Variants in AFDN observed in about 807,000 individuals in gnomAD.
AFDN encodes afadin, adherens junction formation factor.
Under a neutral mutation model 216.6 loss-of-function variants are expected in AFDN, and 68 were observed. The observed-to-expected ratio is 0.31, with a 90% CI of 0.26 to 0.38. AFDN has a LOEUF of 0.38. Among genes scored for constraint, AFDN ranks in the 10% least tolerant of loss-of-function variants. The pLI, the probability that AFDN is intolerant of heterozygous loss-of-function variation, is 1.00. For missense variants in AFDN, 2,136 were observed against 2,342.0 expected (o/e 0.91, Z 1.82); for synonymous variants, 868 against 853.7 (o/e 1.02, Z -0.29).
intron 1 of AFDN, 120 bp from the exon 2 acceptor site, chr6:167,864,431 A>C (rs758606268): frequency 1.1e-6 from 1 of 943,542 alleles, no homozygotes; most frequent in Non-Finnish European, 1.7e-6. Context: ...CATTAGTCTC[A>C]GATGTTTATG....
intron 1 of AFDN, among the ~76,000 whole-genome samples, chr6:167,838,666 C>T (rs936970586): frequency 1.3e-5 from 2 of 152,210 alleles, no homozygotes; most frequent in African/African-American, 2.4e-5. Context: ...GAATCTCAGA[C>T]ACAGTGGCCT....
chr6:167,953,174 C>T (rs1796177824), intron 30 of AFDN, among the ~76,000 whole-genome samples: 1 of 151,906 alleles, frequency 6.6e-6, no homozygotes, highest in South Asian at 2.1e-4. Flanking sequence ...ATGGCCAGAG[C>T]CATGTTCTTT....
intron 27 of AFDN, among the ~76,000 whole-genome samples, chr6:167,947,457 G>A (rs1417982526): frequency 3.3e-5 from 5 of 152,188 alleles, no homozygotes; most frequent in Non-Finnish European, 7.3e-5. Flanking sequence ...GGGATTACAG[G>A]CTTGAGCCAC....
intron 1 of AFDN, chr6:167,863,646 C>A: frequency 2.7e-6 from 1 of 376,796 alleles, no homozygotes; most frequent in South Asian, 2.2e-5. Flanking sequence ...TAGAAATATT[C>A]TCTGGAATTT....
At chr6:167,832,876 A>G (rs533502448) in intron 1 of AFDN, among the ~76,000 whole-genome samples, 1 of 152,352 alleles carries the variant, frequency 6.6e-6, no homozygotes, top group South Asian at 2.1e-4. Context: ...CTGAATATAC[A>G]CAACTTGCTT....
intron 23 of AFDN, 68 bp from the exon 24 acceptor site, chr6:167,943,061 C>T (rs1794881865): frequency 6.0e-6 from 8 of 1,329,710 alleles, no homozygotes; most frequent in Admixed American, 2.2e-5. Context: ...TTTTGTTTTA[C>T]TTTCCTGCAT....
intron 11 of AFDN, among the ~76,000 whole-genome samples, chr6:167,900,510 G>A (rs1469691145): frequency 3.3e-5 from 5 of 152,216 alleles, no homozygotes; most frequent in Non-Finnish European, 5.9e-5. Context: ...TAATTTCAAA[G>A]TCATATTATA....
intron 32 of AFDN, among the ~76,000 whole-genome samples, chr6:167,966,536 A>C (rs529731710): frequency 3.6e-4 from 55 of 152,296 alleles, no homozygotes; most frequent in Admixed American, 1.2e-3. Context: ...GCTGACAATC[A>C]GTCCTTCTCT....
chr6:167,858,223 G>C (rs960704560), intron 1 of AFDN, among the ~76,000 whole-genome samples: 1 of 152,132 alleles, frequency 6.6e-6, no homozygotes, highest in Non-Finnish European at 1.5e-5. Context: ...AAGTTGGCAG[G>C]GTTATGGCTT....
intron 1 of AFDN, among the ~76,000 whole-genome samples, chr6:167,829,028 A>G (rs983917999): frequency 1.3e-5 from 2 of 152,166 alleles, no homozygotes; most frequent in African/African-American, 4.8e-5. Flanking sequence ...GTTATACTGT[A>G]GGTGAAAGTT....
At chr6:167,964,918 C>T (rs895882877) in intron 31 of AFDN, 23 of 1,060,312 alleles carry the variant, frequency 2.2e-5, no homozygotes, top group Non-Finnish European at 2.6e-5. Flanking sequence ...GTGCTGTTAC[C>T]TTTTTTAATG....
chr6:167,918,592 G>A (rs1311017807), intron 20 of AFDN, 143 bp from the exon 21 acceptor site: 9 of 779,462 alleles, frequency 1.2e-5, no homozygotes, highest in South Asian at 4.7e-5. Flanking sequence ...TGCTCCCTCC[G>A]TAACCCTGCG....
intron 1 of AFDN, among the ~76,000 whole-genome samples, chr6:167,839,579 T>G (rs865973484): frequency 7.9e-5 from 12 of 152,266 alleles, no homozygotes; most frequent in Admixed American, 2.0e-4. Flanking sequence ...TGCTGTGCCT[T>G]AAGAAGAGGG....
intron 4 of AFDN, among the ~76,000 whole-genome samples, chr6:167,874,211 TACA>T (rs1340672128): frequency 1.3e-5 from 2 of 152,208 alleles, no homozygotes; most frequent in Non-Finnish European, 2.9e-5. Context: ...GCCACTGGAC[TACA>T]TAGCGAGACC....
chr6:167,838,340 C>G (rs2128117417), intron 1 of AFDN, among the ~76,000 whole-genome samples: 1 of 97,478 alleles, frequency 1.0e-5, no homozygotes, highest in African/African-American at 3.7e-5. Flanking sequence ...TCGCTTAGTC[C>G]CTGTCCTCTT....
chr6:167,936,348 T>C (rs1322000232), intron 23 of AFDN, among the ~76,000 whole-genome samples: 1 of 152,224 alleles, frequency 6.6e-6, no homozygotes, highest in Admixed American at 6.5e-5. Context: ...GCAAAGAACA[T>C]AGAGCTTCTA....
intron 30 of AFDN, among the ~76,000 whole-genome samples, chr6:167,954,007 T>G (rs1040639671): frequency 2.6e-5 from 4 of 152,368 alleles, no homozygotes; most frequent in African/African-American, 9.6e-5. Flanking sequence ...TCTGTAAGTA[T>G]CTTTTTCTGT....
intron 23 of AFDN, among the ~76,000 whole-genome samples, chr6:167,936,278 T>G (rs1793989440): frequency 6.6e-6 from 1 of 152,218 alleles, no homozygotes; most frequent in African/African-American, 2.4e-5. Context: ...TTTCTACATT[T>G]CTGTGATTGT....
In AFDN at chr6:167,864,730, A is replaced by C; in HGVS notation, c.285A>C (p.Glu95Asp). Residue 95 changes from glutamate to aspartate, a missense_variant, in exon 2 of 34, where the codon GAA becomes GAC. Glu to Asp is a conservative substitution (Grantham distance 45, BLOSUM62 2). Transcript: ENST00000683244. The part of the protein sequence containing the change: ...MLSSPKYSLY[E>D]VHVSGERRLD... ...CCTCTCCCAAGTATTCACTCTATGA[A>C]GTGCATGTCAGCGGAGGTCAGTGTA... The C allele has an allele frequency of 6.2e-7, 1 of 1,614,154 alleles. No homozygotes were observed. Among genetic ancestry groups the C allele is most frequent in the Non-Finnish European group, 8.5e-7 (1 of 1,180,008 alleles).
Sources: gnomAD v4.1 joint callset for allele counts (sites outside exome capture counted in the v4.1 genomes callset) on GRCh38, gnomAD v4.1.1 for gene constraint, MANE v1.5 for transcripts, NCBI Gene and HGNC (gene_info 2026-07-23, HGNC 2026-07-21) for gene names.